MFSD11: variants seen among roughly 807,000 people sequenced by gnomAD.
MFSD11 encodes UNC93-like protein MFSD11.
A neutral mutation model predicts 53.5 loss-of-function variants in MFSD11; 36 were observed. The observed-to-expected ratio is 0.67, with a 90% CI of 0.52 to 0.89. The LOEUF is 0.89. Among genes scored for constraint, MFSD11 ranks in the 40% least tolerant of loss-of-function variants. MFSD11 has a pLI of 0.00. For missense variants in MFSD11, 530 were observed against 543.9 expected (o/e 0.97, Z 0.25); for synonymous variants, 186 against 184.9 (o/e 1.01, Z -0.05).
Position 76,743,380 on chromosome 17 carries a change from T to C in MFSD11, c.438-18T>C, listed in dbSNP as rs1290261583. The C allele has an allele frequency of 1.3e-6, 2 of 1,524,834 alleles. No homozygotes were observed. Among genetic ancestry groups the C allele is most frequent in the South Asian group, 1.2e-5 (1 of 80,792 alleles). The allele number at this position is 1,524,834 out of a possible 1,614,324, so 94.5% of individuals were successfully genotyped here. On this transcript the variant is annotated intron_variant, in intron 5 of 12. Coordinates refer to ENST00000685175, the MANE Select transcript of MFSD11 (RefSeq NM_001242532.5). Reference sequence around the variant, plus strand: ...AAAATAATTACCCAACATCCTATCCTCCCTTTTCTTCCCCCAGCTTGTTCT... The same window carrying C: ...AAAATAATTACCCAACATCCTATCCCCCCTTTTCTTCCCCCAGCTTGTTCT...
At chr17:76,786,289 C>A (rs937599625), downstream of MFSD11, among the ~76,000 whole-genome samples, 4 of 151,360 alleles carry the variant, frequency 2.6e-5, no homozygotes, top group Admixed American at 2.6e-4. Flanking sequence ...GGATTACAGA[C>A]ATGCACCACC....
At chr17:76,798,697 G>A in the MFSD11 span, among the ~76,000 whole-genome samples, 1 of 152,130 alleles carries the variant, frequency 6.6e-6, no homozygotes, top group Non-Finnish European at 1.5e-5. Flanking sequence ...GAAGTGGTTA[G>A]CAACCAGTGA....
the MFSD11 span, among the ~76,000 whole-genome samples, chr17:76,799,977 AC>A: frequency 3.5e-5 from 4 of 113,500 alleles, no homozygotes; most frequent in African/African-American, 1.4e-4. Flanking sequence ...TTTTTTTGAG[AC>A]CGAGTCTCCC....
intron 8 of MFSD11, among the ~76,000 whole-genome samples, chr17:76,760,591 C>T (rs941694669): frequency 2.6e-5 from 4 of 151,640 alleles, no homozygotes; most frequent in African/African-American, 7.3e-5. Context: ...AGTGCAGTGG[C>T]GCGATCTCGG....
intron 11 of MFSD11, 63 bp downstream of exon 11, chr17:76,775,234 A>G (rs917908043): frequency 6.7e-7 from 1 of 1,492,520 alleles, no homozygotes; most frequent in African/African-American, 1.4e-5. Flanking sequence ...ATGGCTAGAT[A>G]CTGAAAGTGG....
chr17:76,747,953 C>G (rs1227621599), intron 7 of MFSD11: 1 of 152,206 alleles, frequency 6.6e-6, no homozygotes, highest in Non-Finnish European at 1.5e-5. Flanking sequence ...TGGCAGCCCT[C>G]TTCTATGCCT....
intron 8 of MFSD11, among the ~76,000 whole-genome samples, chr17:76,761,460 C>T (rs2144644699): frequency 6.6e-6 from 1 of 152,104 alleles, no homozygotes; most frequent in East Asian, 1.9e-4. Flanking sequence ...TTACCCTAGC[C>T]ATAAAAATTA....
chr17:76,757,968 C>T (rs1278676148), intron 8 of MFSD11, among the ~76,000 whole-genome samples: 1 of 152,042 alleles, frequency 6.6e-6, no homozygotes, highest in Non-Finnish European at 1.5e-5. Context: ...CAAGATTGCA[C>T]CACTGTACTC....
chr17:76,796,906 A>T, the MFSD11 span, among the ~76,000 whole-genome samples: 1 of 151,662 alleles, frequency 6.6e-6, no homozygotes, highest in African/African-American at 2.4e-5. Flanking sequence ...ACGGTGGCTC[A>T]TGCCTGTAAT....
chr17:76,799,215 AG>A, the MFSD11 span: 1 of 151,722 alleles, frequency 6.6e-6, no homozygotes, highest in South Asian at 2.1e-4. Flanking sequence ...TCCCAGTTCA[AG>A]CAACTCTCGT....
chr17:76,789,698 C>T, the MFSD11 span, among the ~76,000 whole-genome samples: 1 of 149,978 alleles, frequency 6.7e-6, no homozygotes, highest in Non-Finnish European at 1.5e-5. Context: ...CTGCCCTGCT[C>T]AGTTCTGCCT....
chr17:76,786,252 C>T (rs2082272980), downstream of MFSD11, among the ~76,000 whole-genome samples: 1 of 149,404 alleles, frequency 6.7e-6, no homozygotes, highest in Non-Finnish European at 1.5e-5. Context: ...TCAAACGATT[C>T]TCCTGCCTCA....
intron 8 of MFSD11, among the ~76,000 whole-genome samples, chr17:76,756,942 G>A (rs1213536529): frequency 6.6e-6 from 1 of 152,060 alleles, no homozygotes; most frequent in East Asian, 1.9e-4. Context: ...CATAGAAATG[G>A]CAATTTAACC....
chr17:76,766,406 G>A (rs866580171), intron 8 of MFSD11, among the ~76,000 whole-genome samples: 17 of 137,150 alleles, frequency 1.2e-4, no homozygotes, highest in Admixed American at 8.4e-4. Context: ...GTGACAAAGT[G>A]AGACTCTGTC....
chr17:76,772,604 G>A (rs1044660275), intron 10 of MFSD11, among the ~76,000 whole-genome samples: 4 of 146,968 alleles, frequency 2.7e-5, no homozygotes, highest in East Asian at 2.1e-4. Flanking sequence ...TGCAACCTTC[G>A]CTGCTGGGAT....
At chr17:76,756,742 C>G (rs763767719) in intron 8 of MFSD11, among the ~76,000 whole-genome samples, 3 of 151,976 alleles carry the variant, frequency 2.0e-5, no homozygotes, top group Non-Finnish European at 4.4e-5. Context: ...TGCCTGTAAT[C>G]CCAGCTACTC....
At chr17:76,772,391 T>G (rs1238408060) in intron 10 of MFSD11, among the ~76,000 whole-genome samples, 3 of 151,820 alleles carry the variant, frequency 2.0e-5, no homozygotes, top group Non-Finnish European at 4.4e-5. Flanking sequence ...CAGAGCAAGA[T>G]TCTGTCTCAA....
chr17:76,770,356 A>G (rs1037584543), intron 10 of MFSD11, among the ~76,000 whole-genome samples: 2 of 152,118 alleles, frequency 1.3e-5, no homozygotes, highest in Non-Finnish European at 2.9e-5. Context: ...CTATTCTAAT[A>G]TAACTAAATT....
At chr17:76,763,166 G>A (rs762661089) in intron 8 of MFSD11, among the ~76,000 whole-genome samples, 4 of 152,200 alleles carry the variant, frequency 2.6e-5, no homozygotes, top group African/African-American at 4.8e-5. Context: ...CTTAGCCTGT[G>A]GGGGAACTGC....
Sources: gnomAD v4.1 joint callset for allele counts (sites outside exome capture counted in the v4.1 genomes callset) on GRCh38, gnomAD v4.1.1 for gene constraint, MANE v1.5 for transcripts, NCBI Gene and HGNC (gene_info 2026-07-23, HGNC 2026-07-21) for gene names.